OOSP3: variants seen among roughly 807,000 people sequenced by gnomAD.
The protein encoded by OOSP3 is oocyte secreted protein family member 3.
chr11:59,892,927 A>G (rs1028989852), intron 2 of OOSP3, among the ~76,000 whole-genome samples: 1 of 152,228 alleles, frequency 6.6e-6, no homozygotes, highest in Admixed American at 6.5e-5. Flanking sequence ...GACTGAGGAT[A>G]ATATTCAGAG....
exon 5 of OOSP3, chr11:59,896,230 C>A (rs1853356485): frequency 7.5e-6 from 3 of 398,222 alleles, no homozygotes; most frequent in Non-Finnish European, 1.3e-5. Flanking sequence ...CCATGGCAAT[C>A]CTGAAAACTC....
chr11:59,880,535 T>C, intron 2 of OOSP3, 96 bp downstream of exon 2: 2 of 397,204 alleles, frequency 5.0e-6, no homozygotes. Flanking sequence ...TTTTTATGGC[T>C]CTTGAATTAC....
intron 4 of OOSP3, 132 bp downstream of exon 4, chr11:59,895,784 G>A (rs1853350853): frequency 5.0e-6 from 2 of 396,454 alleles, no homozygotes; most frequent in Admixed American, 4.4e-5. Flanking sequence ...ACTACATGAT[G>A]GGTCTCACAT....
At chr11:59,880,500 C>G (rs1348965449) in intron 2 of OOSP3, 61 bp downstream of exon 2, 1 of 397,948 alleles carries the variant, frequency 2.5e-6, no homozygotes, top group Non-Finnish European at 4.4e-6. Context: ...TGCAGTAGTA[C>G]TGTGTGTACT....
chr11:59,884,475 G>GTCTCTCTC (rs60145654), intron 2 of OOSP3, among the ~76,000 whole-genome samples: 102 of 113,868 alleles, frequency 9.0e-4, no homozygotes, highest in Admixed American at 2.7e-3. Flanking sequence ...CTGTCTGTCT[G>GTCTCTCTC]TCTCTCTCTC....
At chr11:59,891,062 A>G (rs1038450060) in intron 2 of OOSP3, among the ~76,000 whole-genome samples, 1 of 152,086 alleles carries the variant, frequency 6.6e-6, no homozygotes, top group African/African-American at 2.4e-5. Flanking sequence ...ACTTTGGCCA[A>G]TTCAGCTATT....
intron 2 of OOSP3, among the ~76,000 whole-genome samples, chr11:59,884,684 A>G (rs1853236651): frequency 6.6e-6 from 1 of 151,942 alleles, no homozygotes; most frequent in Non-Finnish European, 1.5e-5. Context: ...TTTTATTTTT[A>G]GTAGATACCA....
rs112425255 is a variant in OOSP3, at chr11:59,890,383, G to A, written c.253-3696G>A. On this transcript the variant is annotated intron_variant, in intron 2 of 4. Coordinates refer to ENST00000646438, the Ensembl canonical transcript of OOSP3. ...TTGCTTCATAGTGTCATTGGTCTGT[G>A]TACTTTAGTGTGTTTTTGTAGTGGC... 5.3e-3 allele frequency among the ~76,000 whole-genome samples: 803 copies of A among 152,236 alleles called. 6 individuals are homozygous for A. The highest frequency in any genetic ancestry group is 0.017 in the African/African-American group (726 of 41,564).
intron 2 of OOSP3, among the ~76,000 whole-genome samples, chr11:59,881,289 C>G (rs1025787180): frequency 9.9e-5 from 15 of 151,476 alleles, no homozygotes; most frequent in African/African-American, 3.4e-4. Flanking sequence ...TGCTTGAACC[C>G]GAGAGGTGGA....
At chr11:59,891,604 A>T (rs555787878) in intron 2 of OOSP3, among the ~76,000 whole-genome samples, 1 of 152,330 alleles carries the variant, frequency 6.6e-6, no homozygotes, top group African/African-American at 2.4e-5. Flanking sequence ...GCCGCAGAAC[A>T]GCAAAGATTG....
intron 2 of OOSP3, among the ~76,000 whole-genome samples, chr11:59,892,533 C>CT (rs1269372837): frequency 2.0e-5 from 3 of 152,028 alleles, no homozygotes; most frequent in Admixed American, 6.5e-5. Flanking sequence ...GGTTCTAATT[C>CT]TTTTTTTACA....
intron 3 of OOSP3, among the ~76,000 whole-genome samples, chr11:59,894,853 A>T (rs994031608): frequency 6.6e-6 from 1 of 152,132 alleles, no homozygotes; most frequent in East Asian, 1.9e-4. Flanking sequence ...AGATCAGGGA[A>T]TGCTTGCAGA....
At chr11:59,884,682 T>TA (rs1422085940) in intron 2 of OOSP3, among the ~76,000 whole-genome samples, 5 of 152,126 alleles carry the variant, frequency 3.3e-5, no homozygotes, top group South Asian at 2.1e-4. Flanking sequence ...TTTTTTATTT[T>TA]TAGTAGATAC....
At chr11:59,894,085 T>C in exon 3 of OOSP3, 1 of 398,588 alleles carries the variant, frequency 2.5e-6, no homozygotes, top group Non-Finnish European at 4.4e-6. Context: ...TTAGGTTTTC[T>C]CATATGTAAC....
At chr11:59,891,748 C>T (rs1015185469) in intron 2 of OOSP3, among the ~76,000 whole-genome samples, 1 of 152,224 alleles carries the variant, frequency 6.6e-6, no homozygotes, top group South Asian at 2.1e-4. Context: ...GAATCAGGGA[C>T]CTGCTTAAGG....
At chr11:59,890,025 A>T (rs1469416584) in intron 2 of OOSP3, among the ~76,000 whole-genome samples, 1 of 152,106 alleles carries the variant, frequency 6.6e-6, no homozygotes, top group Admixed American at 6.5e-5. Context: ...ACCCTTTACC[A>T]TGTAATGACC....
intron 1 of OOSP3, among the ~76,000 whole-genome samples, chr11:59,879,186 G>A (rs752015874): frequency 9.2e-5 from 14 of 152,086 alleles, no homozygotes; most frequent in Non-Finnish European, 1.9e-4. Context: ...GTTTCAACTT[G>A]CTCTTCCACC....
intron 2 of OOSP3, among the ~76,000 whole-genome samples, chr11:59,887,981 CA>C (rs1227916455): frequency 6.6e-6 from 1 of 152,120 alleles, no homozygotes; most frequent in Non-Finnish European, 1.5e-5. Context: ...TTTCCTTGAG[CA>C]GTGATTTGTA....
chr11:59,880,582 G>A (rs1565218238), intron 2 of OOSP3, 143 bp downstream of exon 2: 1 of 395,206 alleles, frequency 2.5e-6, no homozygotes, highest in East Asian at 3.6e-5. Flanking sequence ...AGACCAGTGG[G>A]TACCTTGACT....
Sources: allele counts gnomAD v4.1 joint callset (sites outside exome capture counted in the v4.1 genomes callset), GRCh38; gene constraint gnomAD v4.1.1; transcripts MANE v1.5; gene names NCBI Gene and HGNC (gene_info 2026-07-23, HGNC 2026-07-21).